Variants in WDR35 observed in about 807,000 individuals in gnomAD.
WDR35 encodes the protein WD repeat-containing protein 35.
WDR35 carries 118 observed loss-of-function variants against 158.3 expected under a neutral mutation model. The ratio of observed to expected loss-of-function variants is 0.75; its 90% confidence interval spans 0.64 to 0.87. WDR35 has a LOEUF of 0.87. WDR35 is among the 40% of genes least tolerant of loss of function. WDR35 has a pLI of 0.00. For synonymous variants in WDR35, 448 were observed against 476.1 expected (o/e 0.94, Z 0.77); for missense variants, 1,263 against 1,405.8 (o/e 0.90, Z 1.62).
chr2:19,966,712 A>G lies in WDR35; in HGVS notation c.1194+12T>C. ...AGCCCAGCTATGTCTTAAGATATCA[A>G]GAAACACCTACCTGAGGATGATTTT... On this transcript the variant is annotated intron_variant, in intron 10 of 26. Transcript: ENST00000281405. 6.2e-7 allele frequency: 1 copy of G among 1,613,314 alleles called. No homozygotes were observed. Among genetic ancestry groups the G allele is most frequent in the Non-Finnish European group, 8.5e-7 (1 of 1,179,776 alleles).
intron 25 of WDR35, among the ~76,000 whole-genome samples, chr2:19,929,123 T>G (rs1053908774): frequency 6.6e-6 from 1 of 152,208 alleles, no homozygotes; most frequent in African/African-American, 2.4e-5. Flanking sequence ...GATACTATTA[T>G]CCTTTCTTTA....
chr2:19,925,086 C>T (rs1670314952), intron 25 of WDR35, among the ~76,000 whole-genome samples: 1 of 152,220 alleles, frequency 6.6e-6, no homozygotes, highest in Admixed American at 6.5e-5. Flanking sequence ...CCGCCACAGC[C>T]AGTAGTGCCG....
chr2:19,945,761 G>A, intron 16 of WDR35, 25 bp downstream of exon 16: 1 of 1,612,510 alleles, frequency 6.2e-7, no homozygotes, highest in South Asian at 1.1e-5. Context: ...TTTATAGACT[G>A]TTAACACTCA....
At position 19,934,074 on chromosome 2, in the gene WDR35, C is replaced by CCACCACCACA; in HGVS notation, c.2548-564_2548-563insTGTGGTGGTG. On this transcript the variant is annotated intron_variant, in intron 21 of 26. Transcript: ENST00000281405. This position sits in a 1 kb window ranked among gnomAD's most constrained non-coding sequence, Gnocchi z 4.6. Reference sequence around the variant, plus strand: ...ACCACCACCACCACCACCACCACCACAAAAAAAAATCCTACTTGTTCAGCT... The same window carrying CCACCACCACA: ...ACCACCACCACCACCACCACCACCACCACCACCACAAAAAAAAAATCCTACTTGTTCAGCT... 1.5e-5 allele frequency among the ~76,000 whole-genome samples: 2 copies of CCACCACCACA among 137,398 alleles called. No individual in the cohort carries two copies. The highest frequency in any genetic ancestry group is 5.1e-5 in the African/African-American group (2 of 38,962). The allele number at this position is 137,398 out of a possible 152,430, so 90.1% of individuals were successfully genotyped here. A position where few individuals can be genotyped will look rare whatever the true frequency, so the allele number is the denominator to read the frequency against.
intron 19 of WDR35, 107 bp downstream of exon 19, chr2:19,937,636 T>C: frequency 1.4e-6 from 2 of 1,442,604 alleles, no homozygotes. Context: ...AATTAATTTC[T>C]AAAAGGAACC....
chr2:19,956,107 C>T (rs1201872980), intron 11 of WDR35, among the ~76,000 whole-genome samples: 1 of 152,158 alleles, frequency 6.6e-6, no homozygotes, highest in East Asian at 1.9e-4. Flanking sequence ...CTGACCTGGT[C>T]TTCACTAAAT....
chr2:19,978,684 A>C, intron 5 of WDR35, 67 bp downstream of exon 5: 1 of 1,607,980 alleles, frequency 6.2e-7, no homozygotes, highest in Non-Finnish European at 8.5e-7. Context: ...TAACTAACTT[A>C]AATCTCTAAA....
In WDR35 at chr2:19,919,380, C is replaced by CAAAA. The variant is rs1302042752; in HGVS notation, c.3122-5107_3122-5104dup. ...TGGGTGACAGAGCAAGGCTCCATCT[C>CAAAA]AAAAAAAAAAAAAAAAAAGAAAAGA... On this transcript the variant is annotated intron_variant, in intron 25 of 26. Coordinates refer to ENST00000281405, the MANE Select transcript of WDR35 (RefSeq NM_020779.4). 3.6e-3 allele frequency among the ~76,000 whole-genome samples: 170 copies of CAAAA among 47,064 alleles called. 2 individuals carry two copies. Among genetic ancestry groups the CAAAA allele is most frequent in the Non-Finnish European group, 4.5e-3 (100 of 22,470 alleles). The allele number at this position is 47,064 out of a possible 152,430, so 30.9% of individuals were successfully genotyped here.
At chr2:19,986,675 A>G (rs932843936) in intron 2 of WDR35, among the ~76,000 whole-genome samples, 25 of 152,178 alleles carry the variant, frequency 1.6e-4, no homozygotes, top group African/African-American at 6.0e-4. Flanking sequence ...AAATTGGCAG[A>G]AAGGTACCTG....
Position 19,948,237 on chromosome 2 carries a change from C to G in WDR35, c.1471-20G>C, listed in dbSNP as rs770293058. The G allele has an allele frequency of 7.5e-6, 12 of 1,601,596 alleles. No individual in the cohort carries two copies. The Admixed American group carries it at 8.4e-5, about 11-fold the overall frequency. Reference sequence around the variant, plus strand: ...TGTGCCCTAAAATAAATTAATCAATCATTACTATTCAACAAACATTTATTG... The same window carrying G: ...TGTGCCCTAAAATAAATTAATCAATGATTACTATTCAACAAACATTTATTG... On this transcript the variant is annotated intron_variant, in intron 13 of 26. Coordinates refer to ENST00000281405, the MANE Select transcript of WDR35 (RefSeq NM_020779.4).
intron 5 of WDR35, among the ~76,000 whole-genome samples, 194 bp from the exon 6 acceptor site, chr2:19,975,857 C>G (rs1672192889): frequency 6.6e-6 from 1 of 152,212 alleles, no homozygotes; most frequent in Non-Finnish European, 1.5e-5. Context: ...CTGTTTCAAC[C>G]TTTCTCCCCT....
chr2:19,964,473 T>G (rs1297078123), intron 10 of WDR35, among the ~76,000 whole-genome samples: 2 of 149,956 alleles, frequency 1.3e-5, no homozygotes, highest in Non-Finnish European at 3.0e-5. Context: ...AACCTCCGCG[T>G]CCTGGGTTCA....
Position 19,969,554 on chromosome 2 carries a change from C to T in WDR35, c.934G>A (p.Glu312Lys), listed in dbSNP as rs994387961. Residue 312 changes from glutamate (E) to lysine (K), a missense_variant, in exon 9 of 27, where the codon GAA becomes AAA. By Grantham distance (56) the Glu-to-Lys change is moderately conservative (BLOSUM62 1). Transcript: ENST00000281405. The part of the protein sequence containing the change: ...PGKEISALSW[E>K]GGGLKIALAV... ...AGTGCAATTTTCAGTCCACCTCCTTCCCAAGATAGTGCAGATATTTCCTTT... is the reference window on the plus strand; with the variant it reads ...AGTGCAATTTTCAGTCCACCTCCTTTCCAAGATAGTGCAGATATTTCCTTT... The T allele has an allele frequency of 1.9e-6, 3 of 1,613,868 alleles. No homozygotes were observed. The highest frequency in any genetic ancestry group is 2.7e-5 in the African/African-American group (2 of 75,032).
chr2:19,929,583 T>C (rs1670464691), intron 25 of WDR35, among the ~76,000 whole-genome samples: 1 of 152,218 alleles, frequency 6.6e-6, no homozygotes, highest in South Asian at 2.1e-4. Flanking sequence ...ATATTGTTAT[T>C]GTTAAGAAGA....
chr2:19,985,030 C>T (rs1189001954), intron 2 of WDR35, among the ~76,000 whole-genome samples: 1 of 152,162 alleles, frequency 6.6e-6, no homozygotes, highest in South Asian at 2.1e-4. Flanking sequence ...CTAAGGACAC[C>T]TTACCTGAGA....
intron 2 of WDR35, among the ~76,000 whole-genome samples, chr2:19,988,417 TAAC>T (rs1301394645): frequency 6.6e-6 from 1 of 152,216 alleles, no homozygotes; most frequent in Non-Finnish European, 1.5e-5. Flanking sequence ...AAATCCATCT[TAAC>T]AACCTCTTCC....
At chr2:19,972,926 A>G (rs1049328407) in intron 8 of WDR35, among the ~76,000 whole-genome samples, 5 of 152,178 alleles carry the variant, frequency 3.3e-5, no homozygotes, top group African/African-American at 9.6e-5. Flanking sequence ...AAAATTCACA[A>G]TATATTAATT....
intron 2 of WDR35, among the ~76,000 whole-genome samples, chr2:19,984,112 T>C (rs1242568725): frequency 2.0e-5 from 3 of 151,024 alleles, no homozygotes; most frequent in Middle Eastern, 3.2e-3. Context: ...GAGATTTAGA[T>C]TGACCACCCA....
Position 19,938,333 on chromosome 2 carries a change from T to G in WDR35, c.1995A>C (p.Ala665=), listed in dbSNP as rs1341290215. Residue 665 remains alanine (A), a synonymous_variant, in exon 18 of 27, where the codon GCA becomes GCC. Transcript: ENST00000281405. ...FEIRSLRDSR[A]LIEKVGIKDA... ...CTTTAATTCCAACCTTCTCAATCAG[T>G]GCTCGGCTATCTCGCAGAGACCGAA... 2 of 1,613,970 alleles carry G rather than the reference T, an allele frequency of 1.2e-6. No individual in the cohort carries two copies. The highest frequency in any genetic ancestry group is 1.7e-5 in the Admixed American group (1 of 59,976).
Sources: gnomAD v4.1 joint callset for allele counts (sites outside exome capture counted in the v4.1 genomes callset) on GRCh38, gnomAD v4.1.1 for gene constraint, Gnocchi (gnomAD v3.1) non-coding constraint, MANE v1.5 for transcripts, NCBI Gene and HGNC (gene_info 2026-07-23, HGNC 2026-07-21) for gene names.